Variants in TOPAZ1 observed in about 807,000 individuals in gnomAD.
TOPAZ1 encodes protein TOPAZ1.
A neutral mutation model predicts 172.2 loss-of-function variants in TOPAZ1; 66 were observed. The observed-to-expected ratio is 0.38, with a 90% confidence interval of 0.31 to 0.47. The LOEUF is 0.47. Ranked by LOEUF, TOPAZ1 falls within the 20% of genes least tolerant of loss-of-function variation. The pLI, the probability that TOPAZ1 is intolerant of heterozygous loss-of-function variation, is 0.99. For synonymous variants in TOPAZ1, 681 were observed against 683.9 expected, an observed-to-expected ratio of 1.00 and a Z score of 0.07; for missense variants, 1,822 against 1,972.4, an observed-to-expected ratio of 0.92 and a Z score of 1.44.
intron 14 of TOPAZ1, 31 bp from the exon 15 acceptor site, chr3:44,306,295 A>C (rs890816103): frequency 2.4e-5 from 33 of 1,380,710 alleles, no homozygotes; most frequent in Non-Finnish European, 3.2e-5. Flanking sequence ...TGACTATTTT[A>C]TTTTCTTTTG....
At chr3:44,282,504 T>C (rs1336562021) in intron 9 of TOPAZ1, among the ~76,000 whole-genome samples, 1 of 152,174 alleles carries the variant, frequency 6.6e-6, no homozygotes, top group Non-Finnish European at 1.5e-5. Flanking sequence ...TCTGGTTCCA[T>C]CCCATTTCCT....
chr3:44,273,479 C>T (rs1699919664), intron 8 of TOPAZ1, among the ~76,000 whole-genome samples: 1 of 152,178 alleles, frequency 6.6e-6, no homozygotes, highest in Admixed American at 6.5e-5. Context: ...GAATTATCTT[C>T]CTAAAATATG....
intron 16 of TOPAZ1, among the ~76,000 whole-genome samples, chr3:44,315,291 G>A (rs565918874): frequency 1.3e-5 from 2 of 152,120 alleles, no homozygotes; most frequent in South Asian, 4.1e-4. Flanking sequence ...TGTGACTACA[G>A]TACGAATATA....
At chr3:44,331,611 G>A (rs892237541) in intron 19 of TOPAZ1, among the ~76,000 whole-genome samples, 181 bp from the exon 20 acceptor site, 28 of 152,192 alleles carry the variant, frequency 1.8e-4, no homozygotes, top group African/African-American at 6.5e-4. Flanking sequence ...ATACCACTAT[G>A]CCTGGCCAAA....
chr3:44,258,218 C>T (rs1699737107), intron 4 of TOPAZ1, among the ~76,000 whole-genome samples: 1 of 152,184 alleles, frequency 6.6e-6, no homozygotes, highest in African/African-American at 2.4e-5. Flanking sequence ...GTTTCAGCAG[C>T]ATCCCACTTT....
At chr3:44,313,363 G>C (rs1267622926) in intron 16 of TOPAZ1, among the ~76,000 whole-genome samples, 1 of 151,982 alleles carries the variant, frequency 6.6e-6, no homozygotes, top group African/African-American at 2.4e-5. Context: ...TGTAATCCCA[G>C]CACTTTGGGA....
rs1699527302 is a variant in TOPAZ1, at chr3:44,244,084, T to C, written c.1578T>C (p.Cys526=). 8 of 1,551,610 alleles carry C rather than the reference T, an allele frequency of 5.2e-6. No homozygotes were observed. The highest frequency in any genetic ancestry group is 1.4e-5 in the African/African-American group (1 of 73,066). ...TTCTTCGTGGGTCTCAGGAAAGTTG[T>C]AGGCAAGTTGATGTCCCTAAACACC... ...SYFLRGSQES[C]RQVDVPKHQT... is the part of the protein sequence containing the mutation. Residue 526 remains cysteine, a synonymous_variant, in exon 2 of 20, where the codon TGT becomes TGC. Coordinates refer to ENST00000309765, the MANE Select transcript of TOPAZ1 (RefSeq NM_001145030.2).
At chr3:44,317,154 C>T (rs1700459832) in intron 16 of TOPAZ1, among the ~76,000 whole-genome samples, 2 of 152,200 alleles carry the variant, frequency 1.3e-5, no homozygotes, top group Non-Finnish European at 2.9e-5. Flanking sequence ...GGCTTGGTGG[C>T]TCACGCCTGT....
At chr3:44,298,903 A>ATATATATATATATATATATATATT (rs1700231492) in intron 12 of TOPAZ1, among the ~76,000 whole-genome samples, 1 of 11,438 alleles carries the variant, frequency 8.7e-5, no homozygotes, top group African/African-American at 4.8e-4. Context: ...ATATATATAT[A>ATATATATATATATATATATATATT]TATATATTTT....
At chr3:44,316,367 T>A (rs1559547568) in intron 16 of TOPAZ1, among the ~76,000 whole-genome samples, 2 of 152,362 alleles carry the variant, frequency 1.3e-5, no homozygotes, top group Middle Eastern at 3.4e-3. Context: ...TATAATTTTT[T>A]AAAATACAAT....
At chr3:44,297,760 AC>A (rs1207220645) in intron 12 of TOPAZ1, among the ~76,000 whole-genome samples, 1 of 151,830 alleles carries the variant, frequency 6.6e-6, no homozygotes, top group Non-Finnish European at 1.5e-5. Flanking sequence ...TAAAAAAAAA[AC>A]ACTCTCCTAG....
intron 2 of TOPAZ1, among the ~76,000 whole-genome samples, chr3:44,253,183 CT>C (rs1376460253): frequency 6.6e-6 from 1 of 152,084 alleles, no homozygotes; most frequent in Non-Finnish European, 1.5e-5. Context: ...ACATGAGGAG[CT>C]GTTAATAATA....
chr3:44,271,099 T>A (rs1020529009), intron 8 of TOPAZ1, among the ~76,000 whole-genome samples: 4 of 152,172 alleles, frequency 2.6e-5, no homozygotes, highest in African/African-American at 7.2e-5. Context: ...GATATTACAA[T>A]TGTGATGCTG....
Position 44,244,731 on chromosome 3 carries a change from C to G in TOPAZ1, c.2225C>G (p.Pro742Arg). The change falls in exon 2 of 20, where the codon CCT (proline) becomes CGT (arginine). Residue 742 changes from proline (P) to arginine (R), a missense_variant. Pro to Arg is a moderately radical substitution (Grantham distance 103). Transcript: ENST00000309765. ...KENVSMMMLG[P>R]QTLSIRNSVT... ...AATGTCTCCATGATGATGTTAGGAC[C>G]TCAAACTTTGAGCATACGAAATAGT... The G allele has an allele frequency of 6.4e-7, 1 of 1,551,398 alleles. No homozygotes were observed. Among genetic ancestry groups the G allele is most frequent in the Non-Finnish European group, 8.7e-7 (1 of 1,146,940 alleles).
intron 16 of TOPAZ1, among the ~76,000 whole-genome samples, chr3:44,317,527 A>T (rs1362616991): frequency 2.0e-5 from 3 of 152,248 alleles, no homozygotes; most frequent in Non-Finnish European, 4.4e-5. Flanking sequence ...TTTGTTTGAT[A>T]GTCTCACTGA....
intron 15 of TOPAZ1, among the ~76,000 whole-genome samples, chr3:44,307,058 T>G (rs1466550371): frequency 6.6e-6 from 1 of 152,160 alleles, no homozygotes; most frequent in African/African-American, 2.4e-5. Flanking sequence ...GTTTCGCTCT[T>G]GTTGCCCAGG....
intron 12 of TOPAZ1, among the ~76,000 whole-genome samples, chr3:44,292,399 C>T (rs1008738279): frequency 3.9e-5 from 6 of 152,060 alleles, no homozygotes; most frequent in Non-Finnish European, 7.4e-5. Flanking sequence ...TTCATTCTTC[C>T]CCAGAGCGAT....
At chr3:44,315,210 TG>T (rs1424234726) in intron 16 of TOPAZ1, among the ~76,000 whole-genome samples, 6 of 45,626 alleles carry the variant, frequency 1.3e-4, no homozygotes, top group Non-Finnish European at 2.1e-4. Context: ...CGTGTGTGTG[TG>T]TGTGTGTGTG....
chr3:44,313,689 T>C (rs1700421955), intron 16 of TOPAZ1, among the ~76,000 whole-genome samples: 1 of 152,084 alleles, frequency 6.6e-6, no homozygotes, highest in African/African-American at 2.4e-5. Flanking sequence ...ATATAGCTTC[T>C]ATACAAACAT....
Sources: allele counts gnomAD v4.1 joint callset (sites outside exome capture counted in the v4.1 genomes callset), GRCh38; gene constraint gnomAD v4.1.1; transcripts MANE v1.5; gene names NCBI Gene and HGNC (gene_info 2026-07-23, HGNC 2026-07-21).